Variants in NFIA observed in about 807,000 individuals in gnomAD.
The protein encoded by NFIA is nuclear factor I A, also known as nuclear factor 1 A-type.
In NFIA, 8 loss-of-function variants were observed where a neutral mutation model predicts 62.8. The ratio of observed to expected loss-of-function variants is 0.13; its 90% CI spans 0.07 to 0.23. The LOEUF is 0.23. Among genes scored for constraint, NFIA ranks in the 10% least tolerant of loss-of-function variants. NFIA has a pLI of 1.00. For missense variants in NFIA, 410 were observed against 642.1 expected, an observed-to-expected ratio of 0.64 and a Z score of 3.91; for synonymous variants, 235 against 238.1, an observed-to-expected ratio of 0.99 and a Z score of 0.12.
chr1:61,222,812 C>G (rs1339380002), intron 2 of NFIA, among the ~76,000 whole-genome samples: 1 of 151,914 alleles, frequency 6.6e-6, no homozygotes, highest in Admixed American at 6.5e-5. Flanking sequence ...TATATATATG[C>G]TACAGTGACA....
intron 2 of NFIA, among the ~76,000 whole-genome samples, chr1:61,094,546 T>C (rs1006980256): frequency 6.6e-6 from 1 of 152,206 alleles, no homozygotes; most frequent in Non-Finnish European, 1.5e-5. Context: ...GTTAGAGACA[T>C]CATTGCACAC....
intron 2 of NFIA, among the ~76,000 whole-genome samples, chr1:61,192,205 G>T (rs762654395): frequency 6.6e-6 from 1 of 152,070 alleles, no homozygotes; most frequent in African/African-American, 2.4e-5. Context: ...TAATCCGCCC[G>T]CCTTGGCCTC....
At chr1:61,185,127 A>G (rs1450849577) in intron 2 of NFIA, among the ~76,000 whole-genome samples, 1 of 152,162 alleles carries the variant, frequency 6.6e-6, no homozygotes, top group African/African-American at 2.4e-5. Flanking sequence ...TTAAACTTAC[A>G]TGCTTTATCT....
chr1:61,306,175 G>A (rs769662776), intron 3 of NFIA, among the ~76,000 whole-genome samples: 1 of 148,494 alleles, frequency 6.7e-6, no homozygotes, highest in African/African-American at 2.5e-5. Context: ...TCGGAGACTT[G>A]TACTCAGCCT....
intron 3 of NFIA, among the ~76,000 whole-genome samples, chr1:61,297,822 A>G (rs531475112): frequency 6.6e-6 from 1 of 152,306 alleles, no homozygotes; most frequent in Admixed American, 6.5e-5. Context: ...GACTTTAGGG[A>G]CAGGAAGCGG....
chr1:61,287,636 A>G (rs1179511070), intron 3 of NFIA, among the ~76,000 whole-genome samples: 1 of 151,996 alleles, frequency 6.6e-6, no homozygotes. Context: ...AAAACCCGTG[A>G]CAGAGCAAGA....
chr1:61,162,784 C>G lies in NFIA; in HGVS notation c.559+74104C>G, dbSNP rs1649303419. On this transcript the variant is annotated intron_variant, in intron 2 of 10. Coordinates refer to ENST00000403491, the MANE Select transcript of NFIA (RefSeq NM_001134673.4). The stretch of plus-strand genomic sequence containing the variant: ...TGGATAAGCAGTTCTCAGCCACCAC[C>G]CCCCACAACATAATCCATAAAACTC... Among the ~76,000 whole-genome samples the G allele has an allele frequency of 4.6e-5, 7 of 152,080 alleles. 1 individual carries two copies. The South Asian group carries it at 1.5e-3, about 32-fold the overall frequency.
chr1:61,328,284 C>G (rs1470885836), intron 3 of NFIA, among the ~76,000 whole-genome samples: 1 of 152,128 alleles, frequency 6.6e-6, no homozygotes, highest in Non-Finnish European at 1.5e-5. Context: ...TCATGTTAAT[C>G]CTCTGCCTGA....
At chr1:61,102,927 G>A (rs970782710) in intron 2 of NFIA, among the ~76,000 whole-genome samples, 1 of 152,178 alleles carries the variant, frequency 6.6e-6, no homozygotes, top group African/African-American at 2.4e-5. Flanking sequence ...GTCTGAGAGG[G>A]TGTTTCAAGA....
intron 2 of NFIA, among the ~76,000 whole-genome samples, chr1:61,258,910 G>A (rs955437125): frequency 2.6e-5 from 4 of 151,770 alleles, no homozygotes; most frequent in Non-Finnish European, 4.4e-5. Context: ...TTGTAGAGAC[G>A]GGGTTTTGCC....
At chr1:61,432,918 C>CG (rs1317342104) in intron 10 of NFIA, among the ~76,000 whole-genome samples, 1 of 152,132 alleles carries the variant, frequency 6.6e-6, no homozygotes, top group African/African-American at 2.4e-5. Flanking sequence ...CGAGAGCCCT[C>CG]TAAGGTGCTA....
At chr1:61,166,555 A>C (rs999041566) in intron 2 of NFIA, among the ~76,000 whole-genome samples, 4 of 152,192 alleles carry the variant, frequency 2.6e-5, no homozygotes, top group Non-Finnish European at 4.4e-5. Flanking sequence ...CTTATAGTTT[A>C]TAGACTCTTA....
At chr1:61,315,512 C>T (rs1660323481) in intron 3 of NFIA, among the ~76,000 whole-genome samples, 2 of 152,084 alleles carry the variant, frequency 1.3e-5, no homozygotes. Flanking sequence ...CTTTGGTAAT[C>T]GCAAAGCAGA....
intron 2 of NFIA, among the ~76,000 whole-genome samples, chr1:61,118,472 T>TG (rs1440077021): frequency 6.6e-6 from 1 of 152,028 alleles, no homozygotes; most frequent in Non-Finnish European, 1.5e-5. Context: ...ACTTTGAGTG[T>TG]GGGAAACAGT....
intron 2 of NFIA, among the ~76,000 whole-genome samples, chr1:61,168,070 A>G (rs542720304): frequency 6.6e-6 from 1 of 152,292 alleles, no homozygotes; most frequent in African/African-American, 2.4e-5. Flanking sequence ...AGTGGGGAAC[A>G]TTGTCAGAGC....
At chr1:61,150,410 GC>G in intron 2 of NFIA, among the ~76,000 whole-genome samples, 1 of 152,304 alleles carries the variant, frequency 6.6e-6, no homozygotes, top group African/African-American at 2.4e-5. Context: ...CAGAAAAATG[GC>G]TAGGCATTGG....
intron 2 of NFIA, among the ~76,000 whole-genome samples, chr1:61,237,586 C>G (rs537991638): frequency 6.6e-6 from 1 of 152,300 alleles, no homozygotes; most frequent in Admixed American, 6.5e-5. Context: ...CTTTAATCAA[C>G]AGAATCAACA....
At chr1:61,387,262 T>G (rs1664740486) in intron 7 of NFIA, among the ~76,000 whole-genome samples, 1 of 152,034 alleles carries the variant, frequency 6.6e-6, no homozygotes, top group Admixed American at 6.6e-5. Flanking sequence ...GAGATTATCA[T>G]CTCTAACTCA....
chr1:61,127,572 A>C (rs563934632), intron 2 of NFIA, among the ~76,000 whole-genome samples: 1 of 152,342 alleles, frequency 6.6e-6, no homozygotes, highest in Admixed American at 6.5e-5. Flanking sequence ...CATATAGCTC[A>C]GCCATCACTA....
Sources: gnomAD v4.1 joint callset for allele counts (sites outside exome capture counted in the v4.1 genomes callset) on GRCh38, gnomAD v4.1.1 for gene constraint, MANE v1.5 for transcripts, NCBI Gene and HGNC (gene_info 2026-07-23, HGNC 2026-07-21) for gene names.